Variants in SGCD observed in about 807,000 individuals in gnomAD.
The protein encoded by SGCD is delta-sarcoglycan.
In SGCD, 18 loss-of-function variants were observed where a neutral mutation model predicts 36.6. That is an observed-to-expected ratio of 0.49 (90% confidence interval 0.34 to 0.73). The LOEUF is 0.73. Among genes scored for constraint, SGCD ranks in the 30% least tolerant of loss-of-function variants. The pLI, the probability that SGCD is intolerant of heterozygous loss-of-function variation, is 0.01. For missense variants in SGCD, 387 were observed against 346.7 expected (o/e 1.12, Z -0.92); for synonymous variants, 133 against 130.6 (o/e 1.02, Z -0.12).
At chr5:156,695,015 C>T (rs1754251079) in intron 7 of SGCD, among the ~76,000 whole-genome samples, 1 of 152,006 alleles carries the variant, frequency 6.6e-6, no homozygotes, top group Non-Finnish European at 1.5e-5. Context: ...TGTTTCCTTC[C>T]TTCTTAACTG....
intron 1 of SGCD, among the ~76,000 whole-genome samples, chr5:156,036,888 A>G (rs78054006): frequency 0.053 from 8,023 of 152,192 alleles, 513 homozygotes; most frequent in African/African-American, 0.15. Context: ...AATATAGACC[A>G]AGCTTTTTCC....
intron 3 of SGCD, among the ~76,000 whole-genome samples, chr5:156,286,591 G>T (rs192430481): frequency 5.3e-5 from 8 of 152,054 alleles, no homozygotes; most frequent in Admixed American, 2.0e-4. Context: ...ACCAAACACC[G>T]CATGTTCTCA....
At chr5:156,438,149 T>A (rs1580992972) in intron 3 of SGCD, among the ~76,000 whole-genome samples, 1 of 152,158 alleles carries the variant, frequency 6.6e-6, no homozygotes, top group African/African-American at 2.4e-5. Context: ...CAGTAGGAAA[T>A]CAAGCATTTT....
intron 1 of SGCD, among the ~76,000 whole-genome samples, chr5:155,879,447 A>T (rs1041170092): frequency 6.6e-6 from 1 of 151,974 alleles, no homozygotes; most frequent in Non-Finnish European, 1.5e-5. Context: ...GTTCTTGACA[A>T]CTTCCCTGGA....
intron 1 of SGCD, among the ~76,000 whole-genome samples, chr5:156,060,427 C>T (rs1012899867): frequency 6.8e-6 from 1 of 146,500 alleles, no homozygotes; most frequent in Non-Finnish European, 1.5e-5. Flanking sequence ...AAAAGTCTTT[C>T]TATCTTCTAG....
intron 1 of SGCD, among the ~76,000 whole-genome samples, chr5:156,055,223 T>C (rs1459906493): frequency 6.8e-6 from 1 of 146,104 alleles, no homozygotes; most frequent in Non-Finnish European, 1.5e-5. Context: ...CTTTTCTTTT[T>C]TTTCTTAAAA....
At chr5:156,365,291 C>T (rs935208995) in intron 3 of SGCD, among the ~76,000 whole-genome samples, 2 of 152,184 alleles carry the variant, frequency 1.3e-5, no homozygotes, top group East Asian at 1.9e-4. Context: ...TTATCTATTA[C>T]CAAAAACTAG....
At chr5:156,474,648 G>A (rs1561719241) in intron 3 of SGCD, among the ~76,000 whole-genome samples, 2 of 152,198 alleles carry the variant, frequency 1.3e-5, no homozygotes, top group Non-Finnish European at 2.9e-5. Flanking sequence ...GGTCCCCATT[G>A]AAGCAGAAAC....
intron 3 of SGCD, among the ~76,000 whole-genome samples, chr5:156,430,758 G>A (rs769640189): frequency 2.0e-5 from 3 of 151,982 alleles, no homozygotes; most frequent in Non-Finnish European, 2.9e-5. Context: ...CTTTGTATGT[G>A]TTTCTTAGTT....
chr5:155,792,924 ATGGTT>A, the SGCD span, among the ~76,000 whole-genome samples: 1 of 152,208 alleles, frequency 6.6e-6, no homozygotes, highest in Non-Finnish European at 1.5e-5. Flanking sequence ...AGGAAAATAA[ATGGTT>A]CTACCAAAAA....
chr5:156,618,658 A>G (rs993500223), intron 6 of SGCD, among the ~76,000 whole-genome samples: 9 of 151,072 alleles, frequency 6.0e-5, no homozygotes, highest in Non-Finnish European at 1.0e-4. Context: ...AGTAGCGCGC[A>G]TTCACCCACT....
chr5:156,419,833 GC>G (rs1773219122), intron 3 of SGCD, among the ~76,000 whole-genome samples: 4 of 152,152 alleles, frequency 2.6e-5, no homozygotes, highest in Admixed American at 2.6e-4. Context: ...CATTCCATCT[GC>G]ATAAGTGATA....
intron 3 of SGCD, among the ~76,000 whole-genome samples, chr5:156,238,382 C>A (rs930329525): frequency 2.6e-5 from 4 of 152,286 alleles, no homozygotes; most frequent in East Asian, 1.9e-4. Context: ...TGGGCATCCA[C>A]CCTCCAGTGG....
chr5:156,260,379 A>G (rs1765827547), intron 3 of SGCD, among the ~76,000 whole-genome samples: 1 of 152,168 alleles, frequency 6.6e-6, no homozygotes, highest in African/African-American at 2.4e-5. Context: ...CAAATTGAAC[A>G]TTTAGATATC....
chr5:156,538,742 G>C (rs2113137343), intron 4 of SGCD, among the ~76,000 whole-genome samples: 1 of 152,154 alleles, frequency 6.6e-6, no homozygotes, highest in East Asian at 1.9e-4. Flanking sequence ...TAAATAGAAA[G>C]AGTTAAGGAA....
chr5:156,286,415 G>A (rs556899052), intron 3 of SGCD, among the ~76,000 whole-genome samples: 52 of 152,256 alleles, frequency 3.4e-4, no homozygotes, highest in Admixed American at 6.5e-4. Context: ...CAAGGACTTG[G>A]AACCACCCCA....
chr5:156,166,173 C>T (rs531173728), intron 3 of SGCD, among the ~76,000 whole-genome samples: 1 of 150,188 alleles, frequency 6.7e-6, no homozygotes, highest in African/African-American at 2.4e-5. Context: ...ATCTCTTTTC[C>T]AATATATTGG....
Position 156,550,917 on chromosome 5 carries a change from G to A in SGCD, c.295-38314G>A, listed in dbSNP as rs141828524. The stretch of plus-strand genomic sequence containing the variant: ...ATTGTCACTTTGTTTTTCTGCCTTC[G>A]TAGGTCATCTTGTTGGCTTTCATTT... On this transcript the variant is annotated intron_variant, in intron 4 of 8. Coordinates refer to ENST00000337851, the MANE Select transcript of SGCD (RefSeq NM_000337.6). 3.8e-3 allele frequency among the ~76,000 whole-genome samples: 576 copies of A among 152,260 alleles called. 3 individuals are homozygous for A. Among genetic ancestry groups the A allele is most frequent in the South Asian group, 0.017 (80 of 4,826 alleles).
chr5:156,035,422 G>A (rs10038408), intron 1 of SGCD, among the ~76,000 whole-genome samples: 89 of 152,124 alleles, frequency 5.9e-4, no homozygotes, highest in East Asian at 3.1e-3. Context: ...CATGGGCAAC[G>A]TAGCGAAACC....
Sources: allele counts gnomAD v4.1 joint callset (sites outside exome capture counted in the v4.1 genomes callset), GRCh38; gene constraint gnomAD v4.1.1; transcripts MANE v1.5; gene names NCBI Gene and HGNC (gene_info 2026-07-23, HGNC 2026-07-21).